The following IFNGR2 variants were observed in gnomAD, a reference collection of about 807,000 sequenced individuals.
IFNGR2 encodes IFN-gamma receptor 2.
Under a neutral mutation model 41.1 loss-of-function variants are expected in IFNGR2, and 15 were observed. The ratio of observed to expected loss-of-function variants is 0.37; its 90% CI spans 0.24 to 0.56. The LOEUF (loss-of-function observed/expected upper bound fraction) is 0.56. IFNGR2 is among the 20% of genes least tolerant of loss of function. The probability of loss-of-function intolerance (pLI) is 0.81; values close to 1 mark genes in which losing one functional copy is unlikely to be tolerated. For missense variants in IFNGR2, 362 were observed against 415.7 expected, an observed-to-expected ratio of 0.87 and a Z score of 1.12; for synonymous variants, 161 against 171.6, an observed-to-expected ratio of 0.94 and a Z score of 0.48.
At chr21:33,419,903 C>G (rs921274625) in intron 2 of IFNGR2, among the ~76,000 whole-genome samples, 1 of 152,178 alleles carries the variant, frequency 6.6e-6, no homozygotes, top group Admixed American at 6.5e-5. Flanking sequence ...GTGCATGTTG[C>G]TCTTGGAGGA....
At chr21:33,403,356 G>A (rs2123322022), upstream of IFNGR2, 1 of 184,948 alleles carries the variant, frequency 5.4e-6, no homozygotes, top group South Asian at 1.7e-4. Flanking sequence ...GGCGGGACGG[G>A]GCGGGGGCGG....
At chr21:33,436,744 A>AT (rs2083957531) in intron 6 of IFNGR2, 84 bp from the exon 7 acceptor site, 1 of 1,144,710 alleles carries the variant, frequency 8.7e-7, no homozygotes, top group Non-Finnish European at 1.3e-6. Flanking sequence ...AATAAAAATA[A>AT]AATAAAAACA....
chr21:33,414,640 C>T (rs553090751), intron 1 of IFNGR2, among the ~76,000 whole-genome samples: 1 of 152,334 alleles, frequency 6.6e-6, no homozygotes, highest in South Asian at 2.1e-4. Flanking sequence ...CAACTGGGAC[C>T]TGCAGGTGGA....
In IFNGR2 at chr21:33,403,525, C is replaced by A. The variant is rs1299858020; in HGVS notation, c.-19C>A. On this transcript the variant is annotated 5_prime_UTR_variant, in exon 1 of 7. Transcript: ENST00000290219. Reference sequence around the variant, plus strand: ...GGGGCCCCGGCCGCGACCTGAGCCGCCGCCGAGCGCCCGGGGCCATGCGAC... The same window carrying A: ...GGGGCCCCGGCCGCGACCTGAGCCGACGCCGAGCGCCCGGGGCCATGCGAC... 1.9e-5 allele frequency: 24 copies of A among 1,256,658 alleles called. No individual in the cohort carries two copies. Among genetic ancestry groups the A allele is most frequent in the Non-Finnish European group, 2.4e-5 (24 of 993,438 alleles). 77.8% of individuals were successfully genotyped at this position (1,256,658 alleles called of 1,614,324 possible). A position where few individuals can be genotyped will look rare whatever the true frequency, so the allele number is the denominator to read the frequency against.
intron 3 of IFNGR2, among the ~76,000 whole-genome samples, chr21:33,425,027 A>G (rs1057216519): frequency 5.9e-5 from 9 of 152,176 alleles, no homozygotes; most frequent in Admixed American, 5.9e-4. Context: ...CTCCTGCCTC[A>G]GCCTCCTGAG....
intron 2 of IFNGR2, among the ~76,000 whole-genome samples, chr21:33,416,733 A>C (rs2083755928): frequency 6.6e-6 from 1 of 150,694 alleles, no homozygotes; most frequent in Non-Finnish European, 1.5e-5. Flanking sequence ...GAGGCAGGAG[A>C]ATGGCGTGAA....
chr21:33,404,379 T>C (rs755993808), intron 1 of IFNGR2, among the ~76,000 whole-genome samples: 3 of 152,200 alleles, frequency 2.0e-5, no homozygotes, highest in Non-Finnish European at 4.4e-5. Context: ...CTCAGAACTG[T>C]CCGGGTCCCA....
At chr21:33,420,055 G>A (rs995923977) in intron 2 of IFNGR2, among the ~76,000 whole-genome samples, 1 of 152,210 alleles carries the variant, frequency 6.6e-6, no homozygotes, top group Non-Finnish European at 1.5e-5. Context: ...ATTAGGGTCT[G>A]TCACCCTGGG....
intron 1 of IFNGR2, among the ~76,000 whole-genome samples, chr21:33,413,018 G>GTCAGA (rs2083727900): frequency 1.6e-5 from 2 of 125,424 alleles, no homozygotes; most frequent in South Asian, 5.1e-4. Context: ...TGATGTCTGG[G>GTCAGA]CGTCAGTTTC....
intron 5 of IFNGR2, 65 bp downstream of exon 5, chr21:33,432,401 G>T (rs543042151): frequency 1.8e-5 from 27 of 1,484,820 alleles, no homozygotes; most frequent in Non-Finnish European, 2.5e-5. Context: ...TAGTGAAATC[G>T]GGGAATGCTT....
At chr21:33,426,504 G>A (rs1001182908) in intron 3 of IFNGR2, among the ~76,000 whole-genome samples, 2 of 151,946 alleles carry the variant, frequency 1.3e-5, no homozygotes, top group Admixed American at 1.3e-4. Flanking sequence ...GGATCACGAG[G>A]TCAGGAGTTC....
chr21:33,420,852 GCC>G (rs1198941341), intron 2 of IFNGR2, among the ~76,000 whole-genome samples: 1 of 151,924 alleles, frequency 6.6e-6, no homozygotes, highest in Non-Finnish European at 1.5e-5. Flanking sequence ...TTCAAGACCA[GCC>G]TGGGCAACAA....
At chr21:33,436,764 G>T in intron 6 of IFNGR2, 64 bp from the exon 7 acceptor site, 1 of 1,310,130 alleles carries the variant, frequency 7.6e-7, no homozygotes, top group Non-Finnish European at 1.1e-6. Context: ...AAAAACTAAA[G>T]TTAAAAGGTC....
intron 2 of IFNGR2, among the ~76,000 whole-genome samples, chr21:33,420,815 G>C (rs900353393): frequency 2.6e-5 from 4 of 152,164 alleles, no homozygotes; most frequent in Non-Finnish European, 5.9e-5. Flanking sequence ...GGGAGGCCAA[G>C]GCAGGAGGAT....
chr21:33,411,707 C>A, intron 1 of IFNGR2: 1 of 276,262 alleles, frequency 3.6e-6, no homozygotes, highest in Non-Finnish European at 7.4e-6. Context: ...AAGGATGCGG[C>A]CAACCTTGCT....
At chr21:33,435,214 T>C (rs1156533240) in intron 6 of IFNGR2, among the ~76,000 whole-genome samples, 1 of 152,192 alleles carries the variant, frequency 6.6e-6, no homozygotes, top group East Asian at 1.9e-4. Flanking sequence ...CCCCTTTATA[T>C]GTTAAGGCCT....
chr21:33,413,200 G>A (rs1402539155), intron 1 of IFNGR2, among the ~76,000 whole-genome samples: 1 of 152,162 alleles, frequency 6.6e-6, no homozygotes, highest in East Asian at 1.9e-4. Flanking sequence ...TCCCCAACTG[G>A]CTTTGGGCAT....
chr21:33,435,888 A>AG (rs1174234112), intron 6 of IFNGR2, among the ~76,000 whole-genome samples: 1 of 145,368 alleles, frequency 6.9e-6, no homozygotes, highest in African/African-American at 2.7e-5. Flanking sequence ...GTCTCAAAAA[A>AG]AAAAAAAAAA....
At chr21:33,432,393 G>A in intron 5 of IFNGR2, 57 bp downstream of exon 5, 1 of 1,516,900 alleles carries the variant, frequency 6.6e-7, no homozygotes, top group Non-Finnish European at 9.2e-7. Context: ...TCCTCCAATA[G>A]TGAAATCGGG....
Sources: gnomAD v4.1 joint callset for allele counts (sites outside exome capture counted in the v4.1 genomes callset) on GRCh38, gnomAD v4.1.1 for gene constraint, MANE v1.5 for transcripts, NCBI Gene and HGNC (gene_info 2026-07-23, HGNC 2026-07-21) for gene names.